Variants in ADGRL2 observed in about 807,000 individuals in gnomAD.
ADGRL2 encodes the protein adhesion G protein-coupled receptor L2.
In ADGRL2, 44 loss-of-function variants were observed where a neutral mutation model predicts 157.4. The ratio of observed to expected loss-of-function variants is 0.28; its 90% CI spans 0.22 to 0.36. ADGRL2 has a LOEUF of 0.36. Among genes scored for constraint, ADGRL2 ranks in the 10% least tolerant of loss-of-function variants. ADGRL2 has a pLI of 1.00. For missense variants in ADGRL2, 1,510 were observed against 1,768.9 expected (o/e 0.85, Z 2.63); for synonymous variants, 585 against 624.7 (o/e 0.94, Z 0.95).
At chr1:81,464,345 G>A (rs1274485952) in intron 2 of ADGRL2, among the ~76,000 whole-genome samples, 1 of 151,764 alleles carries the variant, frequency 6.6e-6, no homozygotes, top group Non-Finnish European at 1.5e-5. Context: ...TCTAGTATGT[G>A]AAAATAGAAA....
intron 1 of ADGRL2, among the ~76,000 whole-genome samples, chr1:81,441,035 T>C (rs10430046): frequency 0.024 from 3,599 of 152,226 alleles, 73 homozygotes; most frequent in African/African-American, 0.042. Context: ...TCTCTCCCTC[T>C]CTCAATCCCT....
chr1:81,815,950 C>T (rs2090357406), intron 1 of ADGRL2, among the ~76,000 whole-genome samples: 1 of 151,590 alleles, frequency 6.6e-6, no homozygotes, highest in South Asian at 2.1e-4. Context: ...TTCTTAAAAA[C>T]ATTTGGGATT....
chr1:81,903,846 C>CACACACACACACAT (rs556699551), intron 2 of ADGRL2, among the ~76,000 whole-genome samples: 235 of 145,708 alleles, frequency 1.6e-3, no homozygotes, highest in African/African-American at 3.5e-3. Context: ...CACACACACA[C>CACACACACACACAT]ATATTTGGTT....
At chr1:81,873,155 T>C (rs1244690069) in intron 2 of ADGRL2, among the ~76,000 whole-genome samples, 1 of 152,100 alleles carries the variant, frequency 6.6e-6, no homozygotes, top group African/African-American at 2.4e-5. Flanking sequence ...GCTGTTAACA[T>C]GCTTTAAGGA....
intron 1 of ADGRL2, among the ~76,000 whole-genome samples, chr1:81,802,351 G>A (rs1473707989): frequency 6.6e-6 from 1 of 152,086 alleles, no homozygotes; most frequent in African/African-American, 2.4e-5. Flanking sequence ...ATGGGGCTCG[G>A]CTGTTGCTGT....
chr1:81,799,251 G>A (rs1432867045), upstream of ADGRL2, among the ~76,000 whole-genome samples: 1 of 152,130 alleles, frequency 6.6e-6, no homozygotes, highest in African/African-American at 2.4e-5. Flanking sequence ...TTTATATCCT[G>A]CGTGGTTAAT....
chr1:81,889,773 C>G (rs1047444278), intron 2 of ADGRL2, among the ~76,000 whole-genome samples: 2 of 152,186 alleles, frequency 1.3e-5, no homozygotes, highest in East Asian at 3.8e-4. Flanking sequence ...TTTCAAAGGA[C>G]AGACTGTCTT....
intron 1 of ADGRL2, among the ~76,000 whole-genome samples, chr1:81,319,412 T>C (rs1660348953): frequency 6.6e-6 from 1 of 152,138 alleles, no homozygotes; most frequent in Non-Finnish European, 1.5e-5. Context: ...AAACCGAGAT[T>C]TTTTTTCAAC....
intron 1 of ADGRL2, among the ~76,000 whole-genome samples, chr1:81,392,631 T>C (rs1332926220): frequency 6.6e-6 from 1 of 152,166 alleles, no homozygotes; most frequent in Non-Finnish European, 1.5e-5. Flanking sequence ...ACCTCTCTGC[T>C]GGAAGCATAT....
intron 3 of ADGRL2, among the ~76,000 whole-genome samples, chr1:81,655,812 C>T (rs1399396558): frequency 2.2e-5 from 2 of 92,094 alleles, no homozygotes; most frequent in Non-Finnish European, 5.2e-5. Context: ...TATCGTATGG[C>T]TCTTATGTGT....
chr1:81,720,631 T>C (rs2084277306), intron 1 of ADGRL2, among the ~76,000 whole-genome samples: 1 of 152,078 alleles, frequency 6.6e-6, no homozygotes, highest in Non-Finnish European at 1.5e-5. Flanking sequence ...AATATGAAAC[T>C]ACAAAATTTT....
chr1:81,513,999 A>C (rs1285541612), intron 2 of ADGRL2: 1 of 152,194 alleles, frequency 6.6e-6, no homozygotes, highest in Admixed American at 6.6e-5. Context: ...ACAGGCTCCC[A>C]CAATGGAGCA....
intron 3 of ADGRL2, among the ~76,000 whole-genome samples, chr1:81,603,097 C>A (rs535087904): frequency 6.6e-6 from 1 of 152,218 alleles, no homozygotes; most frequent in Admixed American, 6.5e-5. Flanking sequence ...TTCTCCCTCT[C>A]TCCCTCACAC....
chr1:81,319,674 G>A (rs1660372433), intron 1 of ADGRL2, among the ~76,000 whole-genome samples: 1 of 152,194 alleles, frequency 6.6e-6, no homozygotes, highest in Non-Finnish European at 1.5e-5. Context: ...ATTATCATGA[G>A]TTTGTATTGC....
chr1:81,505,653 C>T (rs1312716959), intron 2 of ADGRL2, among the ~76,000 whole-genome samples: 1 of 148,734 alleles, frequency 6.7e-6, no homozygotes, highest in Non-Finnish European at 1.5e-5. Flanking sequence ...CCCTCCTGCT[C>T]TCCATCTTAT....
chr1:81,908,189 G>A (rs1039504709), intron 3 of ADGRL2, among the ~76,000 whole-genome samples: 2 of 152,136 alleles, frequency 1.3e-5, no homozygotes, highest in African/African-American at 4.8e-5. Context: ...ATCTCAGTTT[G>A]TTTAAATACT....
At chr1:81,553,912 AC>A (rs2148402952) in intron 2 of ADGRL2, among the ~76,000 whole-genome samples, 1 of 152,340 alleles carries the variant, frequency 6.6e-6, no homozygotes, top group Admixed American at 6.5e-5. Flanking sequence ...TGCAAATAGA[AC>A]CAACACTGTT....
In ADGRL2 at chr1:81,894,654, AAG is replaced by A. The variant is rs2094342183; in HGVS notation, c.74-12360_74-12359del. Among the ~76,000 whole-genome samples the A allele has an allele frequency of 3.9e-5, 6 of 152,286 alleles. No individual in the cohort carries two copies. The South Asian group carries it at 1.0e-3, about 26-fold the overall frequency. ...AATATGAAACATTGTTTAAAGGAAA[AAG>A]AGTAGAAATTAAAAAAAAACTTTGA... is the stretch of plus-strand genomic sequence containing the variant. On this transcript the variant is annotated intron_variant, in intron 2 of 23. Transcript: ENST00000686636.
At chr1:81,388,180 A>T (rs4650367) in intron 1 of ADGRL2, among the ~76,000 whole-genome samples, 75,482 of 151,858 alleles carry the variant, frequency 0.5, 19,848 homozygotes, top group East Asian at 0.91. Flanking sequence ...ATATCCAAAA[A>T]CTGTAGACCT....
Sources: allele counts gnomAD v4.1 joint callset (sites outside exome capture counted in the v4.1 genomes callset), GRCh38; gene constraint gnomAD v4.1.1; transcripts MANE v1.5; gene names NCBI Gene and HGNC (gene_info 2026-07-23, HGNC 2026-07-21).